Variants in MRPL42 observed in about 807,000 individuals in gnomAD.
The protein encoded by MRPL42 is large ribosomal subunit protein mL42.
MRPL42 carries 17 observed loss-of-function variants against 17.9 expected under a neutral mutation model. The ratio of observed to expected loss-of-function variants is 0.95; its 90% CI spans 0.65 to 1.42. MRPL42 has a LOEUF of 1.42. Among genes scored for constraint, MRPL42 ranks in the 40% most tolerant of loss-of-function variants. MRPL42 has a pLI of 0.00. For missense variants in MRPL42, 177 were observed against 175.2 expected (o/e 1.01, Z -0.06); for synonymous variants, 59 against 54.4 (o/e 1.08, Z -0.37).
At chr12:93,483,157 AGTGC>A (rs1667041818) in intron 4 of MRPL42, among the ~76,000 whole-genome samples, 1 of 152,172 alleles carries the variant, frequency 6.6e-6, no homozygotes, top group African/African-American at 2.4e-5. Context: ...GGCCTCCCAA[AGTGC>A]TGGGATTACC....
chr12:93,488,386 G>A (rs886917235), intron 5 of MRPL42: 5 of 398,260 alleles, frequency 1.3e-5, no homozygotes, highest in African/African-American at 1.0e-4. Context: ...ATGAGCCACT[G>A]CCACTGTACT....
rs549161263 is a variant in MRPL42, at chr12:93,508,768, TA to T, written c.*7548del. 322 of 152,304 alleles carry T rather than the reference TA, an allele frequency of 2.1e-3. 2 individuals are homozygous for T. Among genetic ancestry groups the T allele is most frequent in the African/African-American group, 7.5e-3 (310 of 41,564 alleles). 9.4% of individuals were successfully genotyped at this position (152,304 alleles called of 1,614,324 possible). On this transcript the variant is annotated 3_prime_UTR_variant, in exon 6 of 6. Coordinates refer to ENST00000549982, the MANE Select transcript of MRPL42 (RefSeq NM_014050.4). ...CTTCCCGTAAGCAGCCCCGAACACTTACTTATAAGCCATCTCTACCTGAATT... is the reference window on the plus strand; with the variant it reads ...CTTCCCGTAAGCAGCCCCGAACACTTCTTATAAGCCATCTCTACCTGAATT...
At chr12:93,484,408 A>G (rs1880607406) in intron 4 of MRPL42, among the ~76,000 whole-genome samples, 1 of 151,944 alleles carries the variant, frequency 6.6e-6, no homozygotes, top group African/African-American at 2.4e-5. Context: ...ACATAATTGT[A>G]TGTGCTATAC....
At chr12:93,485,882 C>G (rs1880718489) in intron 4 of MRPL42, among the ~76,000 whole-genome samples, 1 of 152,184 alleles carries the variant, frequency 6.6e-6, no homozygotes, top group Non-Finnish European at 1.5e-5. Flanking sequence ...TCATGGCTCA[C>G]TGCAGCCTTG....
At chr12:93,494,718 C>T (rs549416617) in intron 5 of MRPL42, among the ~76,000 whole-genome samples, 1 of 152,128 alleles carries the variant, frequency 6.6e-6, no homozygotes, top group Non-Finnish European at 1.5e-5. Flanking sequence ...TGCCATGGGA[C>T]TGGACGAGAT....
At position 93,505,688 on chromosome 12, in the gene MRPL42, G is replaced by A. The variant is rs1953662195; in HGVS notation, c.*4467G>A. On this transcript the variant is annotated 3_prime_UTR_variant, in exon 6 of 6. Coordinates refer to ENST00000549982, the MANE Select transcript of MRPL42 (RefSeq NM_014050.4). The stretch of plus-strand genomic sequence containing the variant: ...GGGAAGGAATACTCAGGAACAATAT[G>A]TAATGTGCTTTCTAGTTTTGCACAA... 6.6e-6 allele frequency: 1 copy of A among 152,164 alleles called. No homozygotes were observed. The highest frequency in any genetic ancestry group is 2.4e-5 in the African/African-American group (1 of 41,436). The allele number at this position is 152,164 out of a possible 1,614,324, so 9.4% of individuals were successfully genotyped here.
At chr12:93,468,280 T>C (rs1183010360) in intron 1 of MRPL42, among the ~76,000 whole-genome samples, 1 of 148,968 alleles carries the variant, frequency 6.7e-6, no homozygotes, top group African/African-American at 2.5e-5. Flanking sequence ...TAAGAGGGCC[T>C]GTGTCCTAAT....
rs184003071 is a variant in MRPL42 at position 93,483,386 on chromosome 12, G to A, written c.219+3914G>A. ...GAGTGTCACTTACGCAAACCTAGAT[G>A]GTGTAGCCTACTACACACCCAGACT... On this transcript the variant is annotated intron_variant, in intron 4 of 5. Transcript: ENST00000549982. Among the ~76,000 whole-genome samples the A allele has an allele frequency of 2.6e-3, 393 of 152,268 alleles. 4 individuals carry two copies. The highest frequency in any genetic ancestry group is 8.3e-3 in the African/African-American group (343 of 41,548).
intron 5 of MRPL42, 189 bp downstream of exon 5, chr12:93,487,849 T>C (rs1953334687): frequency 2.0e-6 from 1 of 489,268 alleles, no homozygotes; most frequent in Non-Finnish European, 3.5e-6. Context: ...CAGGCTGGAG[T>C]GCAGTGCCAC....
At chr12:93,475,750 C>T (rs536671346) in intron 2 of MRPL42, among the ~76,000 whole-genome samples, 29 of 151,982 alleles carry the variant, frequency 1.9e-4, no homozygotes, top group Admixed American at 9.2e-4. Flanking sequence ...TTTGGGAGGC[C>T]GAGGCAGGTG....
At chr12:93,480,190 G>A (rs778877230) in intron 4 of MRPL42, among the ~76,000 whole-genome samples, 3 of 151,742 alleles carry the variant, frequency 2.0e-5, no homozygotes, top group South Asian at 2.1e-4. Flanking sequence ...GGCGTGATCC[G>A]GCTCACTGCA....
intron 3 of MRPL42, among the ~76,000 whole-genome samples, chr12:93,477,629 T>C (rs563434770): frequency 6.6e-6 from 1 of 152,244 alleles, no homozygotes; most frequent in East Asian, 1.9e-4. Flanking sequence ...TGGGGTCTTG[T>C]TCTCTCGCTC....
In MRPL42 at chr12:93,511,862, A is replaced by G. The variant is rs1034182668; in HGVS notation, c.*10641A>G. The G allele has an allele frequency of 6.6e-6, 1 of 152,210 alleles. No homozygotes were observed. Among genetic ancestry groups the G allele is most frequent in the African/African-American group, 2.4e-5 (1 of 41,460 alleles). The allele number at this position is 152,210 out of a possible 1,614,324, so 9.4% of individuals were successfully genotyped here. ...CATTCCGGAATAATTACCTAAATTA[A>G]GGAGCTTGCCCTAGAATGTAAATCA... On this transcript the variant is annotated 3_prime_UTR_variant, in exon 6 of 6. Coordinates refer to ENST00000549982, the MANE Select transcript of MRPL42 (RefSeq NM_014050.4).
intron 5 of MRPL42, among the ~76,000 whole-genome samples, chr12:93,497,705 CAT>C (rs981142475): frequency 4.0e-5 from 6 of 150,254 alleles, no homozygotes; most frequent in African/African-American, 1.5e-4. Flanking sequence ...TCCTATTCAA[CAT>C]AGTACTGGGG....
At chr12:93,467,755 G>A (rs1291876103) in intron 1 of MRPL42, among the ~76,000 whole-genome samples, 2 of 152,218 alleles carry the variant, frequency 1.3e-5, no homozygotes, top group Non-Finnish European at 1.5e-5. Flanking sequence ...GTTCCCTGGC[G>A]GACGCCCGTG....
At chr12:93,488,731 T>C (rs574503552) in intron 5 of MRPL42, among the ~76,000 whole-genome samples, 43 of 152,340 alleles carry the variant, frequency 2.8e-4, no homozygotes, top group African/African-American at 8.7e-4. Context: ...TTCCATCGAT[T>C]CTTACCTGCC....
rs522977 is a variant in MRPL42, at chr12:93,501,495, A to G, written c.*274A>G. On this transcript the variant is annotated 3_prime_UTR_variant, in exon 6 of 6. Coordinates refer to ENST00000549982, the MANE Select transcript of MRPL42 (RefSeq NM_014050.4). ...AGTGCCAAAGCCATACATATTCAGT[A>G]GAACATCAATAAATTACATCAGAAA... The G allele has an allele frequency of 4.2e-6, 1 of 238,080 alleles. No individual in the cohort carries two copies. The highest frequency in any genetic ancestry group is 8.0e-6 in the Non-Finnish European group (1 of 125,022). 14.7% of individuals were successfully genotyped at this position (238,080 alleles called of 1,614,324 possible). A position where few individuals can be genotyped will look rare whatever the true frequency, so the allele number is the denominator to read the frequency against.
intron 2 of MRPL42, 100 bp downstream of exon 2, chr12:93,469,455 G>A: frequency 2.4e-6 from 2 of 819,678 alleles, no homozygotes; most frequent in South Asian, 3.6e-5. Flanking sequence ...ATTTGCAGGA[G>A]TGTTTGCAGC....
chr12:93,499,561 A>G (rs766355355), intron 5 of MRPL42, among the ~76,000 whole-genome samples: 2 of 152,094 alleles, frequency 1.3e-5, no homozygotes, highest in South Asian at 2.1e-4. Context: ...CAGAGACACT[A>G]TTGTACTAGT....
Sources: allele counts gnomAD v4.1 joint callset (sites outside exome capture counted in the v4.1 genomes callset), GRCh38; gene constraint gnomAD v4.1.1; transcripts MANE v1.5; gene names NCBI Gene and HGNC (gene_info 2026-07-23, HGNC 2026-07-21).